PDE1C: variants seen among roughly 807,000 people sequenced by gnomAD.
The protein encoded by PDE1C is dual specificity calcium/calmodulin-dependent 3',5'-cyclic nucleotide phosphodiesterase 1C.
Under a neutral mutation model 93.1 loss-of-function variants are expected in PDE1C, and 62 were observed. The ratio of observed to expected loss-of-function variants is 0.67; its 90% CI spans 0.54 to 0.82. The LOEUF (loss-of-function observed/expected upper bound fraction) is 0.82. Ranked by LOEUF, PDE1C falls within the 40% of genes least tolerant of loss-of-function variation. The pLI is 0.00. For synonymous variants in PDE1C, 325 were observed against 310.1 expected (o/e 1.05, Z -0.50); for missense variants, 742 against 884.6 (o/e 0.84, Z 2.04).
intron 2 of PDE1C, among the ~76,000 whole-genome samples, chr7:31,962,937 C>A (rs1355490145): frequency 6.6e-6 from 1 of 152,186 alleles, no homozygotes; most frequent in Non-Finnish European, 1.5e-5. Context: ...ACACGTCTAC[C>A]TAGCCTGTGA....
At chr7:31,930,611 C>G (rs1804064622) in intron 2 of PDE1C, among the ~76,000 whole-genome samples, 1 of 152,068 alleles carries the variant, frequency 6.6e-6, no homozygotes, top group Non-Finnish European at 1.5e-5. Flanking sequence ...AAGGCCAAGG[C>G]AGGCGGATCA....
intron 1 of PDE1C, among the ~76,000 whole-genome samples, chr7:32,420,577 T>C (rs193253596): frequency 1.2e-3 from 182 of 149,940 alleles, no homozygotes; most frequent in Non-Finnish European, 2.1e-3. Context: ...GGGGTGGTAA[T>C]AATAGTGCTT....
At chr7:31,698,163 C>T in the PDE1C span, among the ~76,000 whole-genome samples, 2 of 152,258 alleles carry the variant, frequency 1.3e-5, no homozygotes, top group East Asian at 3.9e-4. Context: ...TAAAATTTGG[C>T]TGTTGTTATA....
At chr7:32,368,530 C>A (rs1010689503) in intron 1 of PDE1C, among the ~76,000 whole-genome samples, 3 of 152,040 alleles carry the variant, frequency 2.0e-5, no homozygotes, top group Non-Finnish European at 4.4e-5. Context: ...GAAAACAGCC[C>A]ATACTCATGG....
intron 2 of PDE1C, among the ~76,000 whole-genome samples, chr7:31,902,658 A>G (rs1436775610): frequency 6.6e-6 from 1 of 151,826 alleles, no homozygotes; most frequent in East Asian, 1.9e-4. Flanking sequence ...AAGATGGAAA[A>G]CAGCAAAGTT....
In PDE1C at chr7:31,910,916, A is replaced by G. The variant is rs1801157367; in HGVS notation, c.129-30056T>C. Reference sequence around the variant, plus strand: ...CTCAACTTCAAAACAATTGTGGTGCACTTTTGGCTTAATTCGATAGGCTGG... The same window carrying G: ...CTCAACTTCAAAACAATTGTGGTGCGCTTTTGGCTTAATTCGATAGGCTGG... On this transcript the variant is annotated intron_variant, in intron 2 of 17. Transcript: ENST00000396191. 2.0e-5 allele frequency among the ~76,000 whole-genome samples: 3 copies of G among 152,190 alleles called. 1 individual carries two copies. In the South Asian group the frequency reaches 6.2e-4, roughly 32 times the overall value.
intron 7 of PDE1C, among the ~76,000 whole-genome samples, 180 bp downstream of exon 7, chr7:31,864,762 T>C (rs1332211913): frequency 6.6e-6 from 1 of 152,070 alleles, no homozygotes; most frequent in East Asian, 1.9e-4. Flanking sequence ...ATGGAGAAAA[T>C]TTCAGAGGCA....
upstream of PDE1C, chr7:32,070,733 T>G: frequency 9.0e-7 from 1 of 1,110,374 alleles, no homozygotes. Context: ...ATTCTCCCCC[T>G]ACCCCCAAAC....
the PDE1C span, among the ~76,000 whole-genome samples, chr7:31,639,035 C>T: frequency 6.6e-6 from 1 of 152,160 alleles, no homozygotes; most frequent in Admixed American, 6.5e-5. Context: ...CCTCGGCCTC[C>T]CAAAGTGCTG....
chr7:32,136,265 A>T (rs1800202568), intron 3 of PDE1C, among the ~76,000 whole-genome samples: 1 of 152,216 alleles, frequency 6.6e-6, no homozygotes, highest in African/African-American at 2.4e-5. Flanking sequence ...TACATATACC[A>T]AATCATCACA....
At chr7:31,743,010 ATCTC>A in the PDE1C span, among the ~76,000 whole-genome samples, 2 of 151,940 alleles carry the variant, frequency 1.3e-5, no homozygotes, top group African/African-American at 4.8e-5. Flanking sequence ...CAAATCTACT[ATCTC>A]TCTATTTCCA....
chr7:32,107,883 G>C (rs916694716), intron 3 of PDE1C, among the ~76,000 whole-genome samples: 2 of 151,974 alleles, frequency 1.3e-5, no homozygotes, highest in Non-Finnish European at 2.9e-5. Flanking sequence ...GGGATGATTG[G>C]GAATTCTCTA....
chr7:31,814,393 G>C lies in PDE1C; in HGVS notation c.1813+1531C>G, dbSNP rs539694204. 6.7e-4 allele frequency among the ~76,000 whole-genome samples: 102 copies of C among 151,966 alleles called. No individual in the cohort carries two copies. In the South Asian group the frequency reaches 0.021, roughly 31 times the overall value. On this transcript the variant is annotated intron_variant, in intron 15 of 17. Transcript: ENST00000396191. The stretch of plus-strand genomic sequence containing the variant: ...TCTCCAGAAGGGGGCAGGACGAGTC[G>C]GGACAATGGCCTTCTGTGCCTCCTA...
intron 1 of PDE1C, among the ~76,000 whole-genome samples, chr7:32,064,030 G>C (rs891841622): frequency 6.6e-6 from 1 of 152,188 alleles, no homozygotes; most frequent in Non-Finnish European, 1.5e-5. Context: ...TTGAATGGGA[G>C]AGTAAAAGGA....
chr7:31,784,951 G>A (rs1367249547), intron 16 of PDE1C: 2 of 152,030 alleles, frequency 1.3e-5, no homozygotes. Flanking sequence ...CCCACTCAAA[G>A]ACAAGGACAG....
the PDE1C span, chr7:31,642,299 C>T: frequency 7.6e-7 from 1 of 1,323,976 alleles, no homozygotes; most frequent in Non-Finnish European, 1.1e-6. Context: ...TCATCCCTAA[C>T]ATCCCACTTC....
At chr7:32,103,614 A>G (rs960788289) in intron 3 of PDE1C, among the ~76,000 whole-genome samples, 2 of 152,232 alleles carry the variant, frequency 1.3e-5, no homozygotes, top group Non-Finnish European at 2.9e-5. Flanking sequence ...AAAGCCCAAC[A>G]ATCGACAAGA....
At chr7:31,899,150 T>C (rs1311276576) in intron 2 of PDE1C, among the ~76,000 whole-genome samples, 6 of 145,662 alleles carry the variant, frequency 4.1e-5, no homozygotes, top group African/African-American at 1.5e-4. Context: ...TTTTTTTTTT[T>C]TTTTTTGAGA....
intron 3 of PDE1C, among the ~76,000 whole-genome samples, chr7:32,107,108 T>C (rs921620282): frequency 1.1e-4 from 17 of 149,782 alleles, no homozygotes; most frequent in Non-Finnish European, 2.5e-4. Flanking sequence ...TGAGCTCAAA[T>C]ATATGTCAGT....
Sources: gnomAD v4.1 joint callset for allele counts (sites outside exome capture counted in the v4.1 genomes callset) on GRCh38, gnomAD v4.1.1 for gene constraint, MANE v1.5 for transcripts, NCBI Gene and HGNC (gene_info 2026-07-23, HGNC 2026-07-21) for gene names.